The following SSBP2 variants were observed in gnomAD, a reference collection of about 807,000 sequenced individuals.
The protein encoded by SSBP2 is single stranded DNA binding protein 2.
Under a neutral mutation model 61.8 loss-of-function variants are expected in SSBP2, and 17 were observed. The ratio of observed to expected loss-of-function variants is 0.28; its 90% confidence interval spans 0.19 to 0.41. The LOEUF (loss-of-function observed/expected upper bound fraction) is 0.41. Among genes scored for constraint, SSBP2 ranks in the 10% least tolerant of loss-of-function variants. The probability of loss-of-function intolerance (pLI) is 1.00; values close to 1 mark genes in which losing one functional copy is unlikely to be tolerated. For synonymous variants in SSBP2, 139 were observed against 141.3 expected (o/e 0.98, Z 0.12); for missense variants, 310 against 458.7 (o/e 0.68, Z 2.96).
intron 4 of SSBP2, among the ~76,000 whole-genome samples, chr5:81,531,420 G>A (rs1283619853): frequency 6.6e-6 from 1 of 151,950 alleles, no homozygotes; most frequent in East Asian, 1.9e-4. Context: ...CAAGATTATA[G>A]TCCTAAAGGA....
chr5:81,504,892 A>G (rs533852131), intron 5 of SSBP2, among the ~76,000 whole-genome samples: 1 of 152,356 alleles, frequency 6.6e-6, no homozygotes, highest in South Asian at 2.1e-4. Flanking sequence ...TGTAAGACTT[A>G]TCTGTTAAAA....
At chr5:81,741,137 C>T (rs949781927) in intron 1 of SSBP2, among the ~76,000 whole-genome samples, 1 of 152,186 alleles carries the variant, frequency 6.6e-6, no homozygotes, top group African/African-American at 2.4e-5. Flanking sequence ...AATATAAAAC[C>T]TCTGAGACTC....
intron 4 of SSBP2, among the ~76,000 whole-genome samples, chr5:81,612,978 T>A (rs1277254891): frequency 6.6e-6 from 1 of 152,076 alleles, no homozygotes; most frequent in Admixed American, 6.5e-5. Flanking sequence ...TATCTACTAT[T>A]AAGAATTTAG....
At chr5:81,575,506 A>C (rs923539366) in intron 4 of SSBP2, among the ~76,000 whole-genome samples, 4 of 152,290 alleles carry the variant, frequency 2.6e-5, no homozygotes, top group African/African-American at 9.6e-5. Context: ...CTCTGGGATA[A>C]GCATAAAAAG....
At chr5:81,628,028 G>A (rs1018979547) in intron 3 of SSBP2, among the ~76,000 whole-genome samples, 1 of 151,630 alleles carries the variant, frequency 6.6e-6, no homozygotes, top group African/African-American at 2.4e-5. Flanking sequence ...TTGTGCCACT[G>A]CACTCCAGCC....
At chr5:81,549,614 G>A (rs532467670) in intron 4 of SSBP2, among the ~76,000 whole-genome samples, 1 of 152,258 alleles carries the variant, frequency 6.6e-6, no homozygotes, top group Non-Finnish European at 1.5e-5. Flanking sequence ...ACCTATAATG[G>A]TGTGTGGTAG....
intron 5 of SSBP2, among the ~76,000 whole-genome samples, chr5:81,493,935 C>G (rs1331313843): frequency 6.6e-6 from 1 of 152,096 alleles, no homozygotes; most frequent in East Asian, 1.9e-4. Context: ...AGGCACTGTT[C>G]TAAGTGGCTA....
At chr5:81,492,674 C>T (rs976280440) in intron 5 of SSBP2, among the ~76,000 whole-genome samples, 3 of 151,734 alleles carry the variant, frequency 2.0e-5, no homozygotes, top group Admixed American at 2.0e-4. Context: ...AAAGCCTTCC[C>T]CAGAAAGGAT....
intron 3 of SSBP2, among the ~76,000 whole-genome samples, chr5:81,624,096 G>A (rs1746904078): frequency 6.6e-6 from 1 of 152,020 alleles, no homozygotes. Context: ...CTAAAGATCA[G>A]TAAATCTTCA....
rs910530975 is a variant in SSBP2 at position 81,544,205 on chromosome 5, C to T, written c.283-30488G>A. Among the ~76,000 whole-genome samples the T allele has an allele frequency of 6.6e-5, 10 of 152,210 alleles. No homozygotes were observed. The South Asian group carries it at 8.3e-4, about 13-fold the overall frequency. On this transcript the variant is annotated intron_variant, in intron 4 of 16. Coordinates refer to ENST00000320672, the MANE Select transcript of SSBP2 (RefSeq NM_012446.5). ...GCTGGGACTACAGGCGATGCCACCA[C>T]GCCCGGCTAATTTTTGTATTTTTAG...
intron 1 of SSBP2, among the ~76,000 whole-genome samples, chr5:81,680,187 C>T (rs1448221847): frequency 6.6e-6 from 1 of 151,662 alleles, no homozygotes; most frequent in Non-Finnish European, 1.5e-5. Flanking sequence ...AACTACATCA[C>T]CAGCTTTCCT....
intron 4 of SSBP2, among the ~76,000 whole-genome samples, chr5:81,580,217 A>G (rs1774536537): frequency 1.3e-5 from 2 of 152,138 alleles, no homozygotes. Flanking sequence ...ATTAAGGCAG[A>G]ACTATAGAAA....
chr5:81,488,592 G>A (rs992223905), intron 6 of SSBP2, among the ~76,000 whole-genome samples: 1 of 151,924 alleles, frequency 6.6e-6, no homozygotes, highest in African/African-American at 2.4e-5. Flanking sequence ...TAGGGTACAT[G>A]TGCACAACGT....
intron 12 of SSBP2, among the ~76,000 whole-genome samples, chr5:81,445,180 A>ATG (rs1763326293): frequency 1.7e-5 from 2 of 119,802 alleles, no homozygotes; most frequent in Non-Finnish European, 3.5e-5. Flanking sequence ...ATATATATGT[A>ATG]TGTATTTACT....
chr5:81,637,820 G>A (rs1295803485), intron 2 of SSBP2, among the ~76,000 whole-genome samples: 6 of 152,078 alleles, frequency 3.9e-5, no homozygotes, highest in African/African-American at 4.8e-5. Context: ...TTATTACGGC[G>A]ATATTCACAA....
chr5:81,629,649 G>A (rs1175089008), intron 3 of SSBP2, among the ~76,000 whole-genome samples: 1 of 152,098 alleles, frequency 6.6e-6, no homozygotes, highest in African/African-American at 2.4e-5. Flanking sequence ...TATTGCTCCT[G>A]TGTTGCTATT....
intron 4 of SSBP2, among the ~76,000 whole-genome samples, chr5:81,542,817 T>TTCTCTCTCTCTCTCTCTC (rs60252222): frequency 0.015 from 1,563 of 106,560 alleles, 78 homozygotes; most frequent in African/African-American, 0.03. Flanking sequence ...ATTTGACAGT[T>TTCTCTCTCTCTCTCTCTC]TCTCTCTCTC....
intron 1 of SSBP2, among the ~76,000 whole-genome samples, chr5:81,739,710 T>C (rs997357619): frequency 6.6e-6 from 1 of 152,184 alleles, no homozygotes; most frequent in African/African-American, 2.4e-5. Flanking sequence ...ATAAAATATA[T>C]ATATACATTT....
rs574644757 is a variant in SSBP2, at chr5:81,743,756, C to G, written c.62+7225G>C. Among the ~76,000 whole-genome samples, 172 of 152,188 alleles carry G rather than the reference C, an allele frequency of 1.1e-3. 1 individual carries two copies. The highest frequency in any genetic ancestry group is 4.0e-3 in the African/African-American group (167 of 41,518). ...GTTTTCCTCCCTGATTGGTGAGACACAAAGAAAGAAAAACCCTGTCCTTCC... is the reference window on the plus strand; with the variant it reads ...GTTTTCCTCCCTGATTGGTGAGACAGAAAGAAAGAAAAACCCTGTCCTTCC... On this transcript the variant is annotated intron_variant, in intron 1 of 16. Coordinates refer to ENST00000320672, the MANE Select transcript of SSBP2 (RefSeq NM_012446.5).
Sources: allele counts gnomAD v4.1 joint callset (sites outside exome capture counted in the v4.1 genomes callset), GRCh38; gene constraint gnomAD v4.1.1; transcripts MANE v1.5; gene names NCBI Gene and HGNC (gene_info 2026-07-23, HGNC 2026-07-21).